HEXD: variants seen among roughly 807,000 people sequenced by gnomAD.
The protein encoded by HEXD is hexosaminidase D.
HEXD carries 47 observed loss-of-function variants against 54.2 expected under a neutral mutation model. The ratio of observed to expected loss-of-function variants is 0.87; its 90% CI spans 0.69 to 1.11. The LOEUF (loss-of-function observed/expected upper bound fraction) is 1.11. Among genes scored for constraint, HEXD ranks in the 50% least tolerant of loss-of-function variants. HEXD has a pLI of 0.00. For synonymous variants in HEXD, 293 were observed against 287.6 expected, an observed-to-expected ratio of 1.02 and a Z score of -0.19; for missense variants, 576 against 649.2, an observed-to-expected ratio of 0.89 and a Z score of 1.23.
rs2053179105 is a variant in HEXD, at chr17:82,419,854, G to GC, written c.56dup (p.Pro20SerfsTer25). 6.2e-7 allele frequency: 1 copy of GC among 1,611,612 alleles called. No individual in the cohort carries two copies. Among genetic ancestry groups the GC allele is most frequent in the African/African-American group, 1.3e-5 (1 of 74,862 alleles). On this transcript the variant is annotated frameshift_variant, in exon 2 of 13. Coordinates refer to ENST00000327949, the MANE Select transcript of HEXD (RefSeq NM_001330542.2). LOFTEE classifies it high-confidence loss of function. ...ATTAGTTCATTTAGACCTTAAAGGA[G>GC]CTCCACCAAAGGTCTCGTACCTCTC...
intron 11 of HEXD, 82 bp from the exon 12 acceptor site, chr17:82,441,718 T>C: frequency 9.5e-7 from 1 of 1,052,930 alleles, no homozygotes; most frequent in Non-Finnish European, 1.5e-6. Flanking sequence ...ACCCCATTCT[T>C]AAACATTTTC....
chr17:82,423,828 AGAG>A (rs1213194325), intron 2 of HEXD, among the ~76,000 whole-genome samples: 10 of 141,370 alleles, frequency 7.1e-5, no homozygotes, highest in Non-Finnish European at 8.1e-5. Flanking sequence ...AAAAAAAAAA[AGAG>A]AGAAAGACAA....
intron 4 of HEXD, among the ~76,000 whole-genome samples, chr17:82,432,630 G>A (rs897350864): frequency 1.3e-5 from 2 of 152,016 alleles, no homozygotes; most frequent in African/African-American, 4.8e-5. Context: ...AGGCTGGAGT[G>A]CAGTGGTGTG....
chr17:82,430,823 C>T (rs953615820), intron 4 of HEXD, among the ~76,000 whole-genome samples: 2 of 151,980 alleles, frequency 1.3e-5, no homozygotes, highest in Non-Finnish European at 2.9e-5. Flanking sequence ...CAGGTATTCT[C>T]CCCCAGTGTA....
intron 9 of HEXD, chr17:82,440,722 G>A (rs2053912597): frequency 4.0e-6 from 2 of 494,616 alleles, no homozygotes; most frequent in South Asian, 2.3e-5. Context: ...AGCAGGAAGA[G>A]CCACTTGCTG....
In HEXD at chr17:82,442,428, G is replaced by C; in HGVS notation, c.*44G>C. 6.2e-7 allele frequency: 1 copy of C among 1,610,190 alleles called. No individual in the cohort carries two copies. The highest frequency in any genetic ancestry group is 1.1e-5 in the South Asian group (1 of 91,042). Reference sequence around the variant, plus strand: ...GGGGCTCCTGCTGGAGGCTGGGGGGGCTCTGCACTGCCAAATGGCCTGGGC... The same window carrying C: ...GGGGCTCCTGCTGGAGGCTGGGGGGCCTCTGCACTGCCAAATGGCCTGGGC... On this transcript the variant is annotated 3_prime_UTR_variant, in exon 13 of 13. Coordinates refer to ENST00000327949, the MANE Select transcript of HEXD (RefSeq NM_001330542.2). This position sits in a 1 kb window ranked among gnomAD's most constrained non-coding sequence, Gnocchi z 6.8.
At chr17:82,429,763 G>A (rs1242344645) in intron 4 of HEXD, among the ~76,000 whole-genome samples, 1 of 152,014 alleles carries the variant, frequency 6.6e-6, no homozygotes, top group African/African-American at 2.4e-5. Context: ...GTAGCTGGCG[G>A]TCCCCAGGGC....
rs2053676831 is a variant in HEXD at position 82,433,682 on chromosome 17, G to GCCCACCTGCGGGAGGTGGGCTCCTTCC, written c.310_336dup (p.His104_Pro112dup). 1.2e-6 allele frequency: 2 copies of GCCCACCTGCGGGAGGTGGGCTCCTTCC among 1,605,170 alleles called. No individual in the cohort carries two copies. Among genetic ancestry groups the GCCCACCTGCGGGAGGTGGGCTCCTTCC allele is most frequent in the Admixed American group, 1.7e-5 (1 of 58,302 alleles). On this transcript the variant is annotated inframe_insertion, in exon 5 of 13. Coordinates refer to ENST00000327949, the MANE Select transcript of HEXD (RefSeq NM_001330542.2). The stretch of plus-strand genomic sequence containing the variant: ...GTTTGTGCTGAAGCACACGGCCTTC[G>GCCCACCTGCGGGAGGTGGGCTCCTTCC]CCCACCTGCGGGAGGTGGGCTCCTT...
chr17:82,431,205 T>C (rs967324015), intron 4 of HEXD, among the ~76,000 whole-genome samples: 4 of 151,926 alleles, frequency 2.6e-5, no homozygotes, highest in South Asian at 2.1e-4. Context: ...GGTCCCACTA[T>C]GTTGCCCAGA....
intron 2 of HEXD, among the ~76,000 whole-genome samples, chr17:82,421,317 A>T (rs1329711839): frequency 6.6e-6 from 1 of 152,176 alleles, no homozygotes; most frequent in East Asian, 1.9e-4. Context: ...AGCGCCCCCC[A>T]CTAAGGACAA....
At chr17:82,439,576 G>A in intron 8 of HEXD, 55 bp from the exon 9 acceptor site, 1 of 1,503,210 alleles carries the variant, frequency 6.7e-7, no homozygotes. Context: ...CAGGGCGCCT[G>A]CGTCAGGCTG....
Position 82,441,852 on chromosome 17 carries a change from C to G in HEXD, c.1216C>G (p.Pro406Ala), listed in dbSNP as rs2053987749. ...CCACCGCCAGCGGAAGCTCATCCAC[C>G]CGGTCATGGTTCAGCACATCCAGCC... ...PYHRQRKLIH[P>A]VMVQHIQPAA... is the part of the protein sequence containing the mutation. Residue 406 changes from proline (P) to alanine (A), a missense_variant, in exon 12 of 13, where the codon CCG becomes GCG. Pro to Ala is a conservative substitution (Grantham distance 27, BLOSUM62 -1). Coordinates refer to ENST00000327949, the MANE Select transcript of HEXD (RefSeq NM_001330542.2). 1 of 1,613,310 alleles carries G rather than the reference C, an allele frequency of 6.2e-7. No individual in the cohort carries two copies. Among genetic ancestry groups the G allele is most frequent in the Non-Finnish European group, 8.5e-7 (1 of 1,179,986 alleles).
Position 82,441,317 on chromosome 17 carries a change from C to T in HEXD, c.1163+51C>T, listed in dbSNP as rs7501824. ...GTGGGTGAGGGGGGCAGGCATGGGGCGGGTGCAGGTGAGGGGGCAGGTGTG... is the reference window on the plus strand; with the variant it reads ...GTGGGTGAGGGGGGCAGGCATGGGGTGGGTGCAGGTGAGGGGGCAGGTGTG... On this transcript the variant is annotated intron_variant, in intron 11 of 12. Transcript: ENST00000327949. The T allele has an allele frequency of 0.54, 472,014 of 878,390 alleles. 92,712 individuals are homozygous for T. The highest frequency in any genetic ancestry group is 0.92 in the East Asian group (37,324 of 40,712). The allele number at this position is 878,390 out of a possible 1,614,324, so 54.4% of individuals were successfully genotyped here.
Position 82,441,798 on chromosome 17 carries a change from A to C in HEXD, c.1164-2A>C. On this transcript the variant is annotated splice_acceptor_variant, in intron 11 of 12. Transcript: ENST00000327949. LOFTEE classifies it high-confidence loss of function. ...GCACACCCCTATGTGGATTTGCCCC[A>C]GGTATGTCACTGGCTGGTTCAGCCC... is the stretch of plus-strand genomic sequence containing the variant. 1 of 1,613,194 alleles carries C rather than the reference A, an allele frequency of 6.2e-7. No individual in the cohort carries two copies. Among genetic ancestry groups the C allele is most frequent in the Non-Finnish European group, 8.5e-7 (1 of 1,179,846 alleles).
chr17:82,433,017 G>A (rs1199438188), intron 4 of HEXD, among the ~76,000 whole-genome samples: 1 of 127,270 alleles, frequency 7.9e-6, no homozygotes, highest in Non-Finnish European at 1.6e-5. Flanking sequence ...AGTGAGCCGA[G>A]ATCATGCCAC....
At position 82,418,382 on chromosome 17, in the gene HEXD, A is replaced by G; in HGVS notation, c.-410A>G. 2.8e-6 allele frequency: 4 copies of G among 1,411,912 alleles called. No individual in the cohort carries two copies. In the South Asian group the frequency reaches 5.1e-5, roughly 18 times the overall value. The allele number at this position is 1,411,912 out of a possible 1,614,324, so 87.5% of individuals were successfully genotyped here. ...ACTCCATGGCCCTGTCCGCCGCCGC[A>G]GCGCGCGCCCTTCCCCTCCTCACCG... On this transcript the variant is annotated 5_prime_UTR_variant, in exon 1 of 13. Transcript: ENST00000327949.
rs2053485884 is a variant in HEXD, at chr17:82,428,496, G to A, written c.195-62G>A. On this transcript the variant is annotated intron_variant, in intron 3 of 12. Transcript: ENST00000327949. ...GGGCCTGATGAGGAAGGGCTGGGGG[G>A]GTGGGTGTGGAAGTCACGTGCTGCT... 2.1e-6 allele frequency: 3 copies of A among 1,418,884 alleles called. No individual in the cohort carries two copies. The South Asian group carries it at 3.5e-5, about 16-fold the overall frequency. 87.9% of individuals were successfully genotyped at this position (1,418,884 alleles called of 1,614,324 possible).
intron 3 of HEXD, chr17:82,428,226 C>G (rs996940043): frequency 5.4e-6 from 1 of 186,398 alleles, no homozygotes; most frequent in South Asian, 1.1e-4. Context: ...CTCAAGTGGT[C>G]TGCTGGCCTT....
intron 8 of HEXD, among the ~76,000 whole-genome samples, chr17:82,437,964 C>T (rs1162776638): frequency 4.6e-5 from 7 of 152,136 alleles, no homozygotes; most frequent in South Asian, 4.1e-4. Flanking sequence ...GGGCTGAGTG[C>T]GGTGGCTCAT....
Sources: allele counts gnomAD v4.1 joint callset (sites outside exome capture counted in the v4.1 genomes callset), GRCh38; gene constraint gnomAD v4.1.1; non-coding constraint Gnocchi (gnomAD v3.1); transcripts MANE v1.5; gene names NCBI Gene and HGNC (gene_info 2026-07-23, HGNC 2026-07-21).